GNB4: variants seen among roughly 807,000 people sequenced by gnomAD.
GNB4 encodes G protein subunit beta 4.
Under a neutral mutation model 45.2 loss-of-function variants are expected in GNB4, and 28 were observed. The observed-to-expected ratio is 0.62, with a 90% CI of 0.46 to 0.85. GNB4 has a LOEUF of 0.85. Among genes scored for constraint, GNB4 ranks in the 40% least tolerant of loss-of-function variants. The pLI is 0.00. For missense variants in GNB4, 321 were observed against 425.4 expected (o/e 0.75, Z 2.16); for synonymous variants, 132 against 143.7 (o/e 0.92, Z 0.58).
In GNB4 at chr3:179,414,963, C is replaced by T; in HGVS notation, c.352G>A (p.Asp118Asn). ...AAGTTATATATAGAGCAGATGTTGTCCAAGCCTCCACAGGCAACATAATTA... is the reference window on the plus strand; with the variant it reads ...AAGTTATATATAGAGCAGATGTTGTTCAAGCCTCCACAGGCAACATAATTA... ...SGNYVACGGL[D>N]NICSIYNLKT... The change falls in exon 6 of 10, where the codon GAC becomes AAC. Residue 118 changes from aspartate (D) to asparagine (N), a missense_variant. Transcript: ENST00000232564. The T allele has an allele frequency of 6.2e-7, 1 of 1,612,778 alleles. No individual in the cohort carries two copies. The highest frequency in any genetic ancestry group is 2.2e-5 in the East Asian group (1 of 44,866).
At chr3:179,425,997 C>A in intron 2 of GNB4, 147 bp downstream of exon 2, 1 of 628,910 alleles carries the variant, frequency 1.6e-6, no homozygotes, top group Non-Finnish European at 2.7e-6. Flanking sequence ...CACAAATAGA[C>A]CTCAGTTCTT....
the GNB4 span, among the ~76,000 whole-genome samples, chr3:179,457,582 G>A: frequency 6.6e-6 from 1 of 152,176 alleles, no homozygotes; most frequent in East Asian, 1.9e-4. Context: ...GCAAATGAAT[G>A]CAGAACTCTA....
the GNB4 span, among the ~76,000 whole-genome samples, chr3:179,518,485 G>T: frequency 6.6e-6 from 1 of 151,870 alleles, no homozygotes; most frequent in Admixed American, 6.6e-5. Context: ...CTTTTCTACA[G>T]ACCCGTCTGA....
intron 1 of GNB4, among the ~76,000 whole-genome samples, chr3:179,440,846 G>A (rs1308848156): frequency 6.7e-6 from 1 of 150,188 alleles, no homozygotes; most frequent in Non-Finnish European, 1.5e-5. Flanking sequence ...TTCTTTCGGT[G>A]TATTTTTTAA....
the GNB4 span, among the ~76,000 whole-genome samples, chr3:179,488,706 C>G: frequency 6.6e-6 from 1 of 151,860 alleles, no homozygotes; most frequent in Non-Finnish European, 1.5e-5. Context: ...CTGTCTTGGC[C>G]ATGCATGGCG....
In GNB4 at chr3:179,399,388, A is replaced by T. The variant is rs1001180157; in HGVS notation, c.*1825T>A. ...CGGCTAATGTTTGTATTTTTAGAAG[A>T]GATGGGGTTTCACCATGTTGGGTAG... On this transcript the variant is annotated 3_prime_UTR_variant, in exon 10 of 10. Coordinates refer to ENST00000232564, the MANE Select transcript of GNB4 (RefSeq NM_021629.4). The T allele has an allele frequency of 6.6e-6, 1 of 152,140 alleles. No homozygotes were observed. Among genetic ancestry groups the T allele is most frequent in the African/African-American group, 2.4e-5 (1 of 41,428 alleles). The allele number at this position is 152,140 out of a possible 1,614,324, so 9.4% of individuals were successfully genotyped here.
At chr3:179,512,803 G>A in the GNB4 span, among the ~76,000 whole-genome samples, 6 of 152,168 alleles carry the variant, frequency 3.9e-5, no homozygotes, top group South Asian at 2.1e-4. Flanking sequence ...GCATGTGTGC[G>A]TGCATGTACG....
intron 9 of GNB4, among the ~76,000 whole-genome samples, chr3:179,403,661 T>C (rs1314841919): frequency 6.6e-6 from 1 of 151,726 alleles, no homozygotes; most frequent in Non-Finnish European, 1.5e-5. Flanking sequence ...GGCGTGGTGG[T>C]GTGCACTTGT....
chr3:179,493,614 T>A, the GNB4 span, among the ~76,000 whole-genome samples: 3 of 150,592 alleles, frequency 2.0e-5, no homozygotes, highest in African/African-American at 7.3e-5. Context: ...ATTATAGGGG[T>A]CCCAGAATGA....
chr3:179,439,568 G>A (rs1715545480), intron 1 of GNB4, among the ~76,000 whole-genome samples: 1 of 152,204 alleles, frequency 6.6e-6, no homozygotes, highest in South Asian at 2.1e-4. Flanking sequence ...AAGGCAATGT[G>A]AATTGATAGC....
chr3:179,505,784 A>T, the GNB4 span, among the ~76,000 whole-genome samples: 2 of 152,170 alleles, frequency 1.3e-5, no homozygotes. Flanking sequence ...TTTTCTCCCT[A>T]CTAAAAGAAT....
At chr3:179,441,294 T>C (rs1288476564) in intron 1 of GNB4, among the ~76,000 whole-genome samples, 1 of 152,236 alleles carries the variant, frequency 6.6e-6, no homozygotes, top group Non-Finnish European at 1.5e-5. Context: ...TAGATGGTAT[T>C]GCCTACCATA....
the GNB4 span, among the ~76,000 whole-genome samples, chr3:179,477,897 G>C: frequency 2.0e-5 from 3 of 152,026 alleles, no homozygotes; most frequent in African/African-American, 4.8e-5. Context: ...ATAGTTTCAA[G>C]TATTTGTTTT....
intron 9 of GNB4, among the ~76,000 whole-genome samples, chr3:179,404,860 C>G (rs1188188379): frequency 6.6e-6 from 1 of 152,078 alleles, no homozygotes; most frequent in South Asian, 2.1e-4. Flanking sequence ...GGAAGAAAAC[C>G]AGCAGTTACA....
chr3:179,413,721 G>C lies in GNB4; in HGVS notation c.491C>G (p.Thr164Arg), dbSNP rs769949519. The change falls in exon 7 of 10, where the codon ACA becomes AGA. Residue 164 changes from threonine to arginine, a missense_variant. Physicochemically the swap from Thr to Arg is moderately conservative, Grantham distance 71 (BLOSUM62 -1). Transcript: ENST00000232564. ...DSQIVTSSGD[T>R]TCALWDIETA... ...GCTTCTGGAATAAACTTACCAAGTT[G>C]TATCTCCTGAACTTGTAACAATTTG... The C allele has an allele frequency of 1.2e-6, 2 of 1,607,304 alleles. No individual in the cohort carries two copies. The highest frequency in any genetic ancestry group is 1.7e-6 in the Non-Finnish European group (2 of 1,176,656).
the GNB4 span, among the ~76,000 whole-genome samples, chr3:179,518,011 G>A: frequency 3.9e-4 from 59 of 151,628 alleles, no homozygotes; most frequent in Middle Eastern, 0.01. Flanking sequence ...CCACTTTCCT[G>A]GGGGGCAAGC....
chr3:179,430,245 C>A (rs559592510), intron 1 of GNB4, among the ~76,000 whole-genome samples: 1 of 151,926 alleles, frequency 6.6e-6, no homozygotes, highest in East Asian at 1.9e-4. Flanking sequence ...ACTACCACGT[C>A]AAGCTAATTT....
chr3:179,400,819 TC>T lies in GNB4; in HGVS notation c.*393del, dbSNP rs554724260. The T allele has an allele frequency of 1.9e-4, 29 of 154,700 alleles. 2 individuals are homozygous for T. The South Asian group carries it at 5.7e-3, about 30-fold the overall frequency. The allele number at this position is 154,700 out of a possible 1,614,324, so 9.6% of individuals were successfully genotyped here. On this transcript the variant is annotated 3_prime_UTR_variant, in exon 10 of 10. Transcript: ENST00000232564. ...TCTGTCTGTTTCTGTGCCTGGTTCT[TC>T]CATTACAAAACTCAAAAATATGACA...
chr3:179,473,874 A>G, the GNB4 span, among the ~76,000 whole-genome samples: 1 of 152,194 alleles, frequency 6.6e-6, no homozygotes, highest in African/African-American at 2.4e-5. Flanking sequence ...ATATGAAATT[A>G]CCCAGCACTG....
Sources: allele counts gnomAD v4.1 joint callset (sites outside exome capture counted in the v4.1 genomes callset), GRCh38; gene constraint gnomAD v4.1.1; transcripts MANE v1.5; gene names NCBI Gene and HGNC (gene_info 2026-07-23, HGNC 2026-07-21).